Variants in BPIFC observed in about 807,000 individuals in gnomAD.
BPIFC encodes BPI fold containing family C.
BPIFC carries 60 observed loss-of-function variants against 57.6 expected under a neutral mutation model. The observed-to-expected ratio is 1.04, with a 90% CI of 0.85 to 1.29. The LOEUF (loss-of-function observed/expected upper bound fraction) is 1.29. BPIFC is among the 50% of genes most tolerant of loss of function. BPIFC has a pLI of 0.00. For synonymous variants in BPIFC, 243 were observed against 224.5 expected (o/e 1.08, Z -0.74); for missense variants, 581 against 600.5 (o/e 0.97, Z 0.34).
At chr22:32,433,839 A>G in intron 10 of BPIFC, 67 bp from the exon 11 acceptor site, 1 of 1,321,952 alleles carries the variant, frequency 7.6e-7, no homozygotes, top group South Asian at 1.2e-5. Context: ...GGGAAAATGT[A>G]GTGTTCCCTA....
intron 13 of BPIFC, among the ~76,000 whole-genome samples, chr22:32,430,644 G>T (rs748822649): frequency 4.7e-5 from 7 of 150,326 alleles, no homozygotes; most frequent in Non-Finnish European, 7.4e-5. Context: ...ATGTGAGAGA[G>T]ATATATTTTT....
chr22:32,418,572 G>A (rs1334467409), intron 14 of BPIFC, among the ~76,000 whole-genome samples: 1 of 152,172 alleles, frequency 6.6e-6, no homozygotes, highest in African/African-American at 2.4e-5. Flanking sequence ...ATCACTAGTT[G>A]AGAACCACTG....
At position 32,415,984 on chromosome 22, in the gene BPIFC, C is replaced by A; in HGVS notation, c.1332G>T (p.Leu444Phe). Reference protein sequence around the residue: ...FGVLPLANAKLQQGFPLSNPH... With the variant: ...FGVLPLANAKFQQGFPLSNPH... ...GATTGGACAGAGGAAATCCTTGCTG[C>A]AATTTTGCTAAAATATAGAACAAGA... Residue 444 changes from leucine to phenylalanine, a missense_variant, in exon 16 of 17, where the codon TTG becomes TTT. Leu to Phe is a conservative substitution (Grantham distance 22, BLOSUM62 0). Coordinates refer to ENST00000300399, the MANE Select transcript of BPIFC (RefSeq NM_174932.3). 6.3e-7 allele frequency: 1 copy of A among 1,580,908 alleles called. No individual in the cohort carries two copies. Among genetic ancestry groups the A allele is most frequent in the Non-Finnish European group, 8.6e-7 (1 of 1,165,494 alleles).
At chr22:32,440,468 G>A (rs1481442658) in intron 8 of BPIFC, among the ~76,000 whole-genome samples, 2 of 152,162 alleles carry the variant, frequency 1.3e-5, no homozygotes, top group African/African-American at 4.8e-5. Context: ...GCTAGGTGCT[G>A]TGCCTGACGC....
At chr22:32,461,727 G>T in intron 1 of BPIFC, 66 bp from the exon 2 acceptor site, 3 of 823,776 alleles carry the variant, frequency 3.6e-6, no homozygotes, top group Non-Finnish European at 4.4e-6. Flanking sequence ...ACTCAGGTTA[G>T]TGGCTGCTGA....
intron 3 of BPIFC, among the ~76,000 whole-genome samples, chr22:32,456,499 G>T (rs5754098): frequency 0.3 from 42,852 of 141,796 alleles, 6,591 homozygotes; most frequent in East Asian, 0.6. Context: ...TGGTATAGTA[G>T]AAGAAGCATT....
At chr22:32,422,566 G>A (rs1027050818) in intron 13 of BPIFC, among the ~76,000 whole-genome samples, 1 of 152,076 alleles carries the variant, frequency 6.6e-6, no homozygotes, top group African/African-American at 2.4e-5. Context: ...AATTAGCCAG[G>A]CATGGTGGCA....
intron 2 of BPIFC, among the ~76,000 whole-genome samples, chr22:32,460,018 G>A (rs1343051963): frequency 6.6e-6 from 1 of 152,108 alleles, no homozygotes; most frequent in Non-Finnish European, 1.5e-5. Context: ...GCCCTTGGCC[G>A]AAGTAGGTGA....
At chr22:32,420,093 G>A (rs1376134022) in intron 13 of BPIFC, among the ~76,000 whole-genome samples, 1 of 152,080 alleles carries the variant, frequency 6.6e-6, no homozygotes, top group East Asian at 1.9e-4. Context: ...CGAGGCGGGC[G>A]GATCATGAGG....
rs1462879405 is a variant in BPIFC, at chr22:32,453,424, A to G, written c.204T>C (p.Leu68=). The change falls in exon 4 of 17, where the codon CTT becomes CTC. Residue 68 remains leucine, a synonymous_variant. Coordinates refer to ENST00000300399, the MANE Select transcript of BPIFC (RefSeq NM_174932.3). ...KLPDLSGSES[L]EFLKVDYVNY... ...TTACATAATCAACTTTTAGAAATTCAAGAGACTCAGAACCGCTTAAATCTG... is the reference window on the plus strand; with the variant it reads ...TTACATAATCAACTTTTAGAAATTCGAGAGACTCAGAACCGCTTAAATCTG... The G allele has an allele frequency of 3.8e-6, 6 of 1,596,496 alleles. No individual in the cohort carries two copies. The South Asian group carries it at 5.8e-5, about 15-fold the overall frequency.
intron 8 of BPIFC, among the ~76,000 whole-genome samples, chr22:32,442,462 T>C (rs1205603342): frequency 3.3e-5 from 5 of 152,162 alleles, no homozygotes; most frequent in African/African-American, 1.2e-4. Context: ...CCACCCCTCT[T>C]GTGGCAGTGA....
chr22:32,457,123 G>C (rs1187507246), intron 3 of BPIFC, 140 bp downstream of exon 3: 4 of 967,956 alleles, frequency 4.1e-6, no homozygotes, highest in Non-Finnish European at 4.4e-6. Flanking sequence ...CATCTTAGCA[G>C]TTTCTGCATA....
rs147014908 is a variant in BPIFC at position 32,418,894 on chromosome 22, G to A, written c.1260+468C>T. 4.9e-3 allele frequency among the ~76,000 whole-genome samples: 748 copies of A among 152,102 alleles called. 6 individuals carry two copies. Among genetic ancestry groups the A allele is most frequent in the African/African-American group, 0.017 (717 of 41,474 alleles). On this transcript the variant is annotated intron_variant, in intron 14 of 16. Coordinates refer to ENST00000300399, the MANE Select transcript of BPIFC (RefSeq NM_174932.3). Reference sequence around the variant, plus strand: ...TCCAATCAGAAAGTCACAAGGCTGGGAACCCCCCTCCCACAAAGGTATCCA... The same window carrying A: ...TCCAATCAGAAAGTCACAAGGCTGGAAACCCCCCTCCCACAAAGGTATCCA...
intron 13 of BPIFC, among the ~76,000 whole-genome samples, chr22:32,423,680 A>AC (rs1283158074): frequency 2.6e-5 from 4 of 151,654 alleles, no homozygotes; most frequent in African/African-American, 9.7e-5. Flanking sequence ...TCAAAAAAAA[A>AC]ACAAAAAAAC....
intron 13 of BPIFC, among the ~76,000 whole-genome samples, chr22:32,423,295 C>A (rs1933900287): frequency 6.6e-6 from 1 of 152,154 alleles, no homozygotes; most frequent in South Asian, 2.1e-4. Context: ...TTCCTGCAGC[C>A]TGGAAATTCT....
chr22:32,453,408 C>A lies in BPIFC; in HGVS notation c.220G>T (p.Asp74Tyr). 6.3e-7 allele frequency: 1 copy of A among 1,591,526 alleles called. No individual in the cohort carries two copies. The highest frequency in any genetic ancestry group is 8.5e-7 in the Non-Finnish European group (1 of 1,173,742). The part of the protein sequence containing the change: ...GSESLEFLKV[D>Y]YVNYNFSNIK... Reference sequence around the variant, plus strand: ...TTTGAAAAATTGTAGTTTACATAATCAACTTTTAGAAATTCAAGAGACTCA... The same window carrying A: ...TTTGAAAAATTGTAGTTTACATAATAAACTTTTAGAAATTCAAGAGACTCA... The change falls in exon 4 of 17, where the codon GAT (aspartate) becomes TAT (tyrosine). Residue 74 changes from aspartate to tyrosine, a missense_variant. By Grantham distance (160) the Asp-to-Tyr change is radical (BLOSUM62 -3). Transcript: ENST00000300399.
At chr22:32,424,642 C>CCCTTCTTCTTCT (rs1556036524) in intron 13 of BPIFC, among the ~76,000 whole-genome samples, 1 of 28,754 alleles carries the variant, frequency 3.5e-5, no homozygotes, top group Admixed American at 3.8e-4. Context: ...TCTTCTTCTT[C>CCCTTCTTCTTCT]TCTTCTTCTT....
At chr22:32,439,650 T>C (rs2145940879) in intron 8 of BPIFC, among the ~76,000 whole-genome samples, 1 of 152,232 alleles carries the variant, frequency 6.6e-6, no homozygotes, top group Non-Finnish European at 1.5e-5. Flanking sequence ...AGTCTTGCTC[T>C]GTCACCCAGG....
rs1556036435 is a variant in BPIFC, at chr22:32,424,603, C to CTTCTTCTTCTTCTTCTTCTTCTT, written c.1218-5200_1218-5199insAAGAAGAAGAAGAAGAAGAAGAA. ...TTCTTCTTCTTCTTCTTCTTCTTCTCCTCCTCCTCCTCCTCCTCCTCCTCC... is the reference window on the plus strand; with the variant it reads ...TTCTTCTTCTTCTTCTTCTTCTTCTCTTCTTCTTCTTCTTCTTCTTCTTCTCCTCCTCCTCCTCCTCCTCCTCC... On this transcript the variant is annotated intron_variant, in intron 13 of 16. Coordinates refer to ENST00000300399, the MANE Select transcript of BPIFC (RefSeq NM_174932.3). Among the ~76,000 whole-genome samples the CTTCTTCTTCTTCTTCTTCTTCTT allele has an allele frequency of 3.4e-3, 134 of 38,988 alleles. 30 individuals carry two copies. Among genetic ancestry groups the CTTCTTCTTCTTCTTCTTCTTCTT allele is most frequent in the African/African-American group, 0.01 (68 of 6,758 alleles). The allele number at this position is 38,988 out of a possible 152,430, so 25.6% of individuals were successfully genotyped here. A position where few individuals can be genotyped will look rare whatever the true frequency, so the allele number is the denominator to read the frequency against.
Sources: gnomAD v4.1 joint callset for allele counts (sites outside exome capture counted in the v4.1 genomes callset) on GRCh38, gnomAD v4.1.1 for gene constraint, MANE v1.5 for transcripts, NCBI Gene and HGNC (gene_info 2026-07-23, HGNC 2026-07-21) for gene names.